Variants in AFF3 observed in about 807,000 individuals in gnomAD.
The protein encoded by AFF3 is AF4/FMR2 family member 3.
A neutral mutation model predicts 129.7 loss-of-function variants in AFF3; 32 were observed. The ratio of observed to expected loss-of-function variants is 0.25; its 90% CI spans 0.19 to 0.33. The LOEUF is 0.33. AFF3 is among the 10% of genes least tolerant of loss of function. The pLI is 1.00. For synonymous variants in AFF3, 644 were observed against 635.4 expected (o/e 1.01, Z -0.20); for missense variants, 1,373 against 1,592.0 (o/e 0.86, Z 2.34).
chr2:99,592,922 T>G (rs1253583517), intron 15 of AFF3, among the ~76,000 whole-genome samples: 13 of 131,934 alleles, frequency 9.9e-5, no homozygotes, highest in East Asian at 2.3e-4. Flanking sequence ...GGCGACAGAG[T>G]GAGACTCCCT....
At chr2:99,624,556 T>C (rs927290676) in intron 13 of AFF3, among the ~76,000 whole-genome samples, 1 of 152,092 alleles carries the variant, frequency 6.6e-6, no homozygotes, top group African/African-American at 2.4e-5. Context: ...CGCAGCCCCA[T>C]TAATAAGAGC....
chr2:100,000,215 T>C (rs1325948984), intron 7 of AFF3, among the ~76,000 whole-genome samples: 2 of 152,188 alleles, frequency 1.3e-5, no homozygotes, highest in Non-Finnish European at 2.9e-5. Context: ...TTAATACTTG[T>C]CCTCAGCTCA....
intron 10 of AFF3, among the ~76,000 whole-genome samples, chr2:99,740,148 T>C (rs1408286095): frequency 4.0e-5 from 6 of 151,618 alleles, no homozygotes; most frequent in Admixed American, 3.9e-4. Flanking sequence ...GAACTCATCA[T>C]TTTTTATGGC....
chr2:99,685,612 T>C (rs996345553), intron 11 of AFF3, among the ~76,000 whole-genome samples: 1 of 152,194 alleles, frequency 6.6e-6, no homozygotes, highest in South Asian at 2.1e-4. Flanking sequence ...TCAAGTCCTT[T>C]GTTGCCTTCC....
intron 7 of AFF3, among the ~76,000 whole-genome samples, chr2:99,897,866 A>G (rs1026985697): frequency 6.6e-6 from 1 of 152,256 alleles, no homozygotes; most frequent in African/African-American, 2.4e-5. Context: ...ATGTAGGCAA[A>G]TGAATTTTAT....
At chr2:99,635,047 C>T (rs563082509) in intron 13 of AFF3, among the ~76,000 whole-genome samples, 17 of 148,126 alleles carry the variant, frequency 1.1e-4, no homozygotes, top group Non-Finnish European at 2.1e-4. Context: ...TCTCTATGTA[C>T]GTGATATATA....
rs114918140 is a variant in AFF3 at position 99,777,338 on chromosome 2, C to T, written c.922-25037G>A. 4.2e-3 allele frequency among the ~76,000 whole-genome samples: 642 copies of T among 152,240 alleles called. 8 individuals are homozygous for T. Among genetic ancestry groups the T allele is most frequent in the African/African-American group, 0.015 (614 of 41,556 alleles). The stretch of plus-strand genomic sequence containing the variant: ...ATTTCTCCACAACGTTTGCTTGATC[C>T]TACTTGACTCCAGGCCCTTCCTGCT... On this transcript the variant is annotated intron_variant, in intron 8 of 24. Transcript: ENST00000672756.
chr2:99,615,360 G>T (rs879278772), intron 13 of AFF3, among the ~76,000 whole-genome samples: 8 of 152,236 alleles, frequency 5.3e-5, no homozygotes, highest in Admixed American at 2.0e-4. Flanking sequence ...CTTCCCGCCT[G>T]TCCTGGGCAC....
At chr2:100,042,866 A>C (rs895415562) in intron 4 of AFF3, among the ~76,000 whole-genome samples, 2 of 152,208 alleles carry the variant, frequency 1.3e-5, no homozygotes, top group Non-Finnish European at 1.5e-5. Flanking sequence ...AACTAAGAAA[A>C]TGTTAAAATA....
chr2:99,887,686 A>T (rs1178993786), intron 7 of AFF3, among the ~76,000 whole-genome samples: 1 of 152,248 alleles, frequency 6.6e-6, no homozygotes, highest in Non-Finnish European at 1.5e-5. Context: ...ATAAATATTT[A>T]TTATTGCTAT....
At chr2:99,581,676 G>A (rs1295845248) in intron 17 of AFF3, among the ~76,000 whole-genome samples, 1 of 151,642 alleles carries the variant, frequency 6.6e-6, no homozygotes, top group South Asian at 2.1e-4. Flanking sequence ...GTGCCACCAC[G>A]CTTGGCCACC....
intron 7 of AFF3, among the ~76,000 whole-genome samples, chr2:99,979,931 T>C (rs1679244145): frequency 6.6e-6 from 1 of 152,218 alleles, no homozygotes; most frequent in Admixed American, 6.5e-5. Context: ...GCAATGTAGA[T>C]ACGCAAACAT....
chr2:99,573,227 C>T (rs780474836), intron 18 of AFF3, among the ~76,000 whole-genome samples: 5 of 152,042 alleles, frequency 3.3e-5, no homozygotes, highest in African/African-American at 1.2e-4. Flanking sequence ...CGCACCCTGT[C>T]CCCCGCACCC....
intron 11 of AFF3, among the ~76,000 whole-genome samples, chr2:99,720,611 T>G (rs896521912): frequency 6.6e-6 from 1 of 152,220 alleles, no homozygotes; most frequent in South Asian, 2.1e-4. Flanking sequence ...AAATGGACTA[T>G]GACAGTCCAT....
chr2:99,743,010 G>T (rs1419627266), intron 10 of AFF3, among the ~76,000 whole-genome samples: 1 of 152,214 alleles, frequency 6.6e-6, no homozygotes, highest in East Asian at 1.9e-4. Flanking sequence ...TGTGGTGTGC[G>T]ATGCTGACGT....
intron 7 of AFF3, among the ~76,000 whole-genome samples, chr2:99,891,542 C>G (rs1197880716): frequency 6.6e-6 from 1 of 152,218 alleles, no homozygotes; most frequent in Admixed American, 6.5e-5. Flanking sequence ...CTGGGGAAGA[C>G]AGACTTCTCT....
chr2:99,830,594 A>T (rs1432495620), intron 8 of AFF3, among the ~76,000 whole-genome samples: 1 of 152,148 alleles, frequency 6.6e-6, no homozygotes, highest in Non-Finnish European at 1.5e-5. Flanking sequence ...TGTACTAAAA[A>T]TACAAAAATT....
At chr2:100,123,868 G>A (rs1692080496) in intron 2 of AFF3, among the ~76,000 whole-genome samples, 1 of 152,010 alleles carries the variant, frequency 6.6e-6, no homozygotes, top group Non-Finnish European at 1.5e-5. Context: ...TAAAGAGAAT[G>A]GCAGCATGAA....
At chr2:100,090,965 C>T (rs1689807548) in intron 4 of AFF3, among the ~76,000 whole-genome samples, 1 of 152,222 alleles carries the variant, frequency 6.6e-6, no homozygotes, top group Non-Finnish European at 1.5e-5. Context: ...GCTGGGATTA[C>T]AGGCGTGAGC....
Sources: gnomAD v4.1 joint callset for allele counts (sites outside exome capture counted in the v4.1 genomes callset) on GRCh38, gnomAD v4.1.1 for gene constraint, MANE v1.5 for transcripts, NCBI Gene and HGNC (gene_info 2026-07-23, HGNC 2026-07-21) for gene names.